PCDHA5: variants seen among roughly 807,000 people sequenced by gnomAD.
PCDHA5 encodes protocadherin alpha-5.
PCDHA5 carries 43 observed loss-of-function variants against 61.6 expected under a neutral mutation model. The observed-to-expected ratio is 0.70, with a 90% CI of 0.55 to 0.90. The LOEUF (loss-of-function observed/expected upper bound fraction) is 0.90. Ranked by LOEUF, PCDHA5 falls within the 40% of genes least tolerant of loss-of-function variation. PCDHA5 has a pLI of 0.00. For missense variants in PCDHA5, 1,298 were observed against 1,222.7 expected, an observed-to-expected ratio of 1.06 and a Z score of -0.92; for synonymous variants, 627 against 543.9, an observed-to-expected ratio of 1.15 and a Z score of -2.13.
At chr5:140,962,928 A>G (rs1447478531) in intron 1 of PCDHA5, among the ~76,000 whole-genome samples, 5 of 152,186 alleles carry the variant, frequency 3.3e-5, no homozygotes, top group African/African-American at 1.2e-4. Flanking sequence ...GATACTTCTC[A>G]ACCTCCTCTC....
At chr5:140,967,464 G>T (rs781900904) in intron 1 of PCDHA5, 1 of 1,613,504 alleles carries the variant, frequency 6.2e-7, no homozygotes, top group Non-Finnish European at 8.5e-7. Context: ...GTGGATGGGG[G>T]CATCCCAGCC....
intron 1 of PCDHA5, among the ~76,000 whole-genome samples, chr5:140,914,080 T>G (rs2076596374): frequency 6.6e-6 from 1 of 152,222 alleles, no homozygotes; most frequent in African/African-American, 2.4e-5. Flanking sequence ...TAACTATCTA[T>G]TAGGTCAATT....
At chr5:140,914,788 T>G (rs2076845575) in intron 1 of PCDHA5, among the ~76,000 whole-genome samples, 1 of 152,192 alleles carries the variant, frequency 6.6e-6, no homozygotes, top group South Asian at 2.1e-4. Context: ...TTATGACCCA[T>G]TATTTTAAAC....
At chr5:140,843,702 A>G (rs375271706) in intron 1 of PCDHA5, 3 of 1,580,560 alleles carry the variant, frequency 1.9e-6, no homozygotes, top group Admixed American at 3.4e-5. Context: ...TTAAATGTTG[A>G]TCATGGCCTC....
At chr5:140,907,093 C>A (rs1303875069) in intron 1 of PCDHA5, among the ~76,000 whole-genome samples, 2 of 152,090 alleles carry the variant, frequency 1.3e-5, no homozygotes, top group Non-Finnish European at 2.9e-5. Flanking sequence ...GTAAGTGGTG[C>A]CACTTCCACT....
At chr5:140,883,470 A>T in intron 1 of PCDHA5, 3 of 1,614,126 alleles carry the variant, frequency 1.9e-6, no homozygotes, top group Non-Finnish European at 1.7e-6. Context: ...GTGTCCACCT[A>T]CAAGAACTAC....
At chr5:140,849,808 C>T (rs2150450895) in intron 1 of PCDHA5, 6 of 1,598,320 alleles carry the variant, frequency 3.8e-6, no homozygotes, top group South Asian at 1.1e-5. Flanking sequence ...CTGTGGGCCA[C>T]GGCCAGGGTG....
At chr5:140,884,044 G>A (rs374333847) in intron 1 of PCDHA5, 16 of 1,613,358 alleles carry the variant, frequency 9.9e-6, no homozygotes, top group Non-Finnish European at 1.4e-5. Context: ...ACGTGGTGGC[G>A]AAGGTGCGCG....
intron 1 of PCDHA5, chr5:140,861,587 G>A (rs781869263): frequency 4.3e-5 from 16 of 374,992 alleles, no homozygotes; most frequent in Middle Eastern, 1.0e-3. Context: ...TCCATGTGGA[G>A]GTGAAAGTGA....
intron 1 of PCDHA5, chr5:140,927,052 A>G: frequency 6.2e-7 from 1 of 1,611,924 alleles, no homozygotes; most frequent in Middle Eastern, 1.7e-4. Flanking sequence ...GTCCTCGCGG[A>G]ACTTTCGCTT....
intron 1 of PCDHA5, among the ~76,000 whole-genome samples, chr5:140,873,515 C>A (rs2054335003): frequency 6.6e-6 from 1 of 152,056 alleles, no homozygotes; most frequent in African/African-American, 2.4e-5. Context: ...ATACTTAATG[C>A]CAAGATTGCA....
At chr5:140,948,866 G>A (rs552659179) in intron 1 of PCDHA5, among the ~76,000 whole-genome samples, 32 of 151,022 alleles carry the variant, frequency 2.1e-4, no homozygotes, top group Non-Finnish European at 2.5e-4. Context: ...ATATTACTTC[G>A]GGTTTACTTT....
At chr5:140,834,364 A>G (rs2150215760) in intron 1 of PCDHA5, 1 of 1,553,394 alleles carries the variant, frequency 6.4e-7, no homozygotes, top group Non-Finnish European at 8.7e-7. Context: ...CTGACTAGAA[A>G]AACAAGCCAA....
chr5:140,992,470 G>T (rs1027762445), intron 3 of PCDHA5, among the ~76,000 whole-genome samples: 2 of 152,192 alleles, frequency 1.3e-5, no homozygotes, highest in African/African-American at 4.8e-5. Context: ...GTACTCTTTA[G>T]ATCACCCAGA....
chr5:140,928,081 C>G lies in PCDHA5; in HGVS notation c.2353-50868C>G, dbSNP rs782268064. On this transcript the variant is annotated intron_variant, in intron 1 of 3. Coordinates refer to ENST00000529859, the MANE Select transcript of PCDHA5 (RefSeq NM_018908.3). ...GGCTTCCTTTGACAACTACTACAGC[C>G]TGCTGATTGATGGGCCCCTGGACCG... is the stretch of plus-strand genomic sequence containing the variant. 6.2e-6 allele frequency: 10 copies of G among 1,614,090 alleles called. 1 individual carries two copies. In the South Asian group the frequency reaches 6.6e-5, roughly 11 times the overall value.
intron 1 of PCDHA5, among the ~76,000 whole-genome samples, chr5:140,950,924 T>C (rs1316182193): frequency 2.6e-5 from 4 of 152,104 alleles, no homozygotes; most frequent in Non-Finnish European, 5.9e-5. Flanking sequence ...TTCAGTTCTT[T>C]TTCTTTTCTT....
chr5:140,850,784 TAAG>T, intron 1 of PCDHA5: 1 of 1,597,982 alleles, frequency 6.3e-7, no homozygotes, highest in Non-Finnish European at 8.6e-7. Flanking sequence ...CTGGCGAGGG[TAAG>T]CAGAAGACCG....
chr5:140,966,812 C>T, intron 1 of PCDHA5: 1 of 1,550,798 alleles, frequency 6.4e-7, no homozygotes, highest in East Asian at 2.4e-5. Flanking sequence ...GCATCCACGG[C>T]TCCGGCGGCC....
chr5:141,003,273 G>A (rs782391603), intron 3 of PCDHA5, among the ~76,000 whole-genome samples: 5 of 152,214 alleles, frequency 3.3e-5, no homozygotes, highest in Admixed American at 6.5e-5. Context: ...TAAGGGAAGT[G>A]CCCAAATTGG....
Sources: allele counts gnomAD v4.1 joint callset (sites outside exome capture counted in the v4.1 genomes callset), GRCh38; gene constraint gnomAD v4.1.1; transcripts MANE v1.5; gene names NCBI Gene and HGNC (gene_info 2026-07-23, HGNC 2026-07-21).